FRMD4B: variants seen among roughly 807,000 people sequenced by gnomAD.
FRMD4B encodes the protein FERM domain containing 4B, also known as FERM domain-containing protein 4B.
Under a neutral mutation model 141.5 loss-of-function variants are expected in FRMD4B, and 74 were observed. The observed-to-expected ratio is 0.52, with a 90% confidence interval of 0.43 to 0.63. The LOEUF is 0.63. Among genes scored for constraint, FRMD4B ranks in the 30% least tolerant of loss-of-function variants. The pLI, the probability that FRMD4B is intolerant of heterozygous loss-of-function variation, is 0.00. For missense variants in FRMD4B, 1,366 were observed against 1,253.4 expected (o/e 1.09, Z -1.36); for synonymous variants, 506 against 467.9 (o/e 1.08, Z -1.05).
intron 1 of FRMD4B, among the ~76,000 whole-genome samples, chr3:69,498,769 C>T (rs1008968091): frequency 1.2e-4 from 19 of 152,126 alleles, no homozygotes; most frequent in African/African-American, 2.7e-4. Flanking sequence ...GATTTGCAGA[C>T]GGGCTCACAG....
chr3:69,370,575 G>C (rs1470138320), intron 1 of FRMD4B, among the ~76,000 whole-genome samples: 2 of 152,214 alleles, frequency 1.3e-5, no homozygotes, highest in East Asian at 3.8e-4. Flanking sequence ...CACTGGCGTG[G>C]GCTATTTTCA....
chr3:69,226,703 A>G (rs2093257668), intron 7 of FRMD4B, among the ~76,000 whole-genome samples: 1 of 152,202 alleles, frequency 6.6e-6, no homozygotes, highest in Non-Finnish European at 1.5e-5. Flanking sequence ...GTTGCTATTT[A>G]TCATAAATTT....
intron 11 of FRMD4B, among the ~76,000 whole-genome samples, chr3:69,212,373 AAAAAAAAGAAAAAAAAAAAG>A (rs767321685): frequency 0.066 from 5,953 of 89,928 alleles, 177 homozygotes; most frequent in Middle Eastern, 0.086. Context: ...AAAAAAAAAA[AAAAAAAAGAAAAAAAAAAAG>A]AAAAAAAAGA....
intron 1 of FRMD4B, among the ~76,000 whole-genome samples, chr3:69,371,855 A>C (rs114903685): frequency 6.6e-6 from 1 of 152,206 alleles, no homozygotes; most frequent in Non-Finnish European, 1.5e-5. Flanking sequence ...TGCCTCGACC[A>C]GGCCTAGAAT....
intron 2 of FRMD4B, among the ~76,000 whole-genome samples, chr3:69,395,239 AT>A (rs1051974157): frequency 4.0e-5 from 6 of 151,896 alleles, no homozygotes; most frequent in Non-Finnish European, 5.9e-5. Context: ...ATGAACAGTT[AT>A]TTTTTTTATG....
At chr3:69,453,705 G>C (rs1162858969) in intron 1 of FRMD4B, among the ~76,000 whole-genome samples, 1 of 152,228 alleles carries the variant, frequency 6.6e-6, no homozygotes, top group Non-Finnish European at 1.5e-5. Flanking sequence ...ATTTGGCAGA[G>C]AGGAATTGGA....
chr3:69,517,516 G>A (rs541694991), intron 1 of FRMD4B, among the ~76,000 whole-genome samples: 1 of 152,154 alleles, frequency 6.6e-6, no homozygotes, highest in Non-Finnish European at 1.5e-5. Flanking sequence ...AAAATTGCCT[G>A]ACCATTAAGT....
At chr3:69,533,118 T>C (rs56147236) in intron 1 of FRMD4B, among the ~76,000 whole-genome samples, 36,504 of 152,124 alleles carry the variant, frequency 0.24, 4,676 homozygotes, top group African/African-American at 0.31. Flanking sequence ...GGAATGACAT[T>C]TTTTATAAAT....
At chr3:69,217,715 G>T (rs1317860319) in intron 10 of FRMD4B, among the ~76,000 whole-genome samples, 2 of 152,118 alleles carry the variant, frequency 1.3e-5, no homozygotes, top group African/African-American at 2.4e-5. Flanking sequence ...ATTTTGAATT[G>T]TATAGAGATA....
intron 1 of FRMD4B, among the ~76,000 whole-genome samples, chr3:69,454,261 C>T (rs1158046023): frequency 2.6e-5 from 4 of 152,248 alleles, no homozygotes; most frequent in Admixed American, 2.6e-4. Context: ...CAAGTAGGAA[C>T]GTTGGGAGGT....
At chr3:69,479,649 T>G (rs1179908512) in intron 1 of FRMD4B, among the ~76,000 whole-genome samples, 1 of 152,208 alleles carries the variant, frequency 6.6e-6, no homozygotes, top group Non-Finnish European at 1.5e-5. Flanking sequence ...ATTTTTTCCT[T>G]CATTTCAACT....
intron 11 of FRMD4B, among the ~76,000 whole-genome samples, chr3:69,203,410 T>C: frequency 6.6e-6 from 1 of 151,904 alleles, no homozygotes; most frequent in Non-Finnish European, 1.5e-5. Flanking sequence ...GGTCCTTATA[T>C]TTCAGATATG....
intron 8 of FRMD4B, 24 bp downstream of exon 8, chr3:69,224,583 A>T: frequency 3.5e-6 from 4 of 1,129,932 alleles, no homozygotes; most frequent in Non-Finnish European, 5.3e-6. Flanking sequence ...AAAATGAGAC[A>T]CCTGTTATGT....
At chr3:69,231,263 C>T (rs1331052416) in intron 7 of FRMD4B, among the ~76,000 whole-genome samples, 4 of 152,186 alleles carry the variant, frequency 2.6e-5, no homozygotes, top group South Asian at 4.1e-4. Context: ...CAACATTCCT[C>T]ACTGGCTGTG....
chr3:69,220,021 T>C (rs545110212), intron 9 of FRMD4B, among the ~76,000 whole-genome samples: 21 of 152,230 alleles, frequency 1.4e-4, no homozygotes, highest in African/African-American at 1.7e-4. Flanking sequence ...CAGTCTATCA[T>C]TGATGGGCAT....
intron 5 of FRMD4B, among the ~76,000 whole-genome samples, chr3:69,257,559 A>G (rs923352246): frequency 2.6e-5 from 4 of 152,218 alleles, no homozygotes; most frequent in Non-Finnish European, 5.9e-5. Context: ...TAAATATTTT[A>G]TACTAACCTT....
At chr3:69,266,760 T>C (rs978840032) in intron 5 of FRMD4B, among the ~76,000 whole-genome samples, 2 of 152,182 alleles carry the variant, frequency 1.3e-5, no homozygotes, top group Non-Finnish European at 1.5e-5. Flanking sequence ...CTAACTGACT[T>C]AGGTAAGATC....
chr3:69,331,096 T>C (rs768574020), intron 1 of FRMD4B, among the ~76,000 whole-genome samples: 10 of 152,290 alleles, frequency 6.6e-5, no homozygotes, highest in Non-Finnish European at 1.2e-4. Context: ...AACCAAATAT[T>C]TTCCCCCGTG....
intron 1 of FRMD4B, among the ~76,000 whole-genome samples, chr3:69,486,275 G>A (rs138829083): frequency 4.3e-4 from 66 of 152,254 alleles, no homozygotes; most frequent in Middle Eastern, 3.4e-3. Flanking sequence ...TTGGTTACAT[G>A]AGTAAGTTCT....
Sources: allele counts gnomAD v4.1 joint callset (sites outside exome capture counted in the v4.1 genomes callset), GRCh38; gene constraint gnomAD v4.1.1; transcripts MANE v1.5; gene names NCBI Gene and HGNC (gene_info 2026-07-23, HGNC 2026-07-21).